The following BANP variants were observed in gnomAD, a reference collection of about 807,000 sequenced individuals.
BANP encodes BTG3 associated nuclear protein, also known as protein BANP.
In BANP, 11 loss-of-function variants were observed where a neutral mutation model predicts 68.1. The ratio of observed to expected loss-of-function variants is 0.16; its 90% CI spans 0.10 to 0.27. The LOEUF is 0.27. Among genes scored for constraint, BANP ranks in the 10% least tolerant of loss-of-function variants. The pLI, the probability that BANP is intolerant of heterozygous loss-of-function variation, is 1.00. For missense variants in BANP, 504 were observed against 722.7 expected (o/e 0.70, Z 3.47); for synonymous variants, 329 against 303.2 (o/e 1.09, Z -0.88).
chr16:87,984,316 C>G lies in BANP; in HGVS notation c.362+57C>G, dbSNP rs886735937. ...GGTCACTTGGGGAGAAGCGCGTCAC[C>G]TCCTCGCCCAGGCCCGCAGCTTAGT... is the stretch of plus-strand genomic sequence containing the variant. On this transcript the variant is annotated intron_variant, in intron 4 of 13. Coordinates refer to ENST00000682872, the MANE Select transcript of BANP (RefSeq NM_001386991.1). The G allele has an allele frequency of 2.1e-6, 3 of 1,432,454 alleles. No individual in the cohort carries two copies. The African/African-American group carries it at 4.3e-5, about 21-fold the overall frequency. 88.7% of individuals were successfully genotyped at this position (1,432,454 alleles called of 1,614,324 possible).
At chr16:87,969,509 T>C (rs191957856) in intron 1 of BANP, among the ~76,000 whole-genome samples, 12 of 150,604 alleles carry the variant, frequency 8.0e-5, no homozygotes. Flanking sequence ...TAAATTGTTT[T>C]AAAAAGATTA....
chr16:88,039,367 G>C (rs1358357756), intron 11 of BANP, among the ~76,000 whole-genome samples: 2 of 141,882 alleles, frequency 1.4e-5, no homozygotes, highest in Non-Finnish European at 3.2e-5. Flanking sequence ...TTGTCCCGTG[G>C]TTCTCACGGT....
chr16:88,025,354 C>T (rs1040137893), intron 7 of BANP, among the ~76,000 whole-genome samples: 5 of 152,210 alleles, frequency 3.3e-5, no homozygotes, highest in Admixed American at 2.6e-4. Flanking sequence ...CTCTGTGAGT[C>T]ACTAAAGTTG....
intron 11 of BANP, among the ~76,000 whole-genome samples, chr16:88,042,501 T>C (rs1199798314): frequency 3.3e-5 from 5 of 152,244 alleles, no homozygotes; most frequent in Admixed American, 1.3e-4. Context: ...TCTGTCTTTA[T>C]TGTTCTTTTT....
intron 6 of BANP, among the ~76,000 whole-genome samples, chr16:88,016,646 G>A (rs377432636): frequency 6.6e-6 from 1 of 152,212 alleles, no homozygotes; most frequent in Admixed American, 6.5e-5. Flanking sequence ...CTGGAGTCTC[G>A]AAGCTTTGCA....
chr16:87,964,352 A>G (rs2059673905), intron 1 of BANP, among the ~76,000 whole-genome samples: 1 of 152,258 alleles, frequency 6.6e-6, no homozygotes, highest in Admixed American at 6.5e-5. Flanking sequence ...AGGAGACACT[A>G]AGCAAGAGAA....
At chr16:87,973,095 G>T (rs1297814872) in intron 1 of BANP, among the ~76,000 whole-genome samples, 4 of 152,024 alleles carry the variant, frequency 2.6e-5, no homozygotes, top group Admixed American at 2.6e-4. Flanking sequence ...GTGTTGACTT[G>T]GATTTTGGTT....
intron 4 of BANP, among the ~76,000 whole-genome samples, chr16:88,001,936 A>AC (rs1567716059): frequency 6.6e-6 from 1 of 151,774 alleles, no homozygotes; most frequent in African/African-American, 2.4e-5. Context: ...AAAAACAAAA[A>AC]AAAAAAAACC....
chr16:88,010,001 T>C (rs2072589914), intron 6 of BANP, among the ~76,000 whole-genome samples: 3 of 151,976 alleles, frequency 2.0e-5, no homozygotes, highest in Admixed American at 2.0e-4. Flanking sequence ...GTAGACTATG[T>C]CTCATTGGAA....
chr16:87,970,179 C>T (rs1243882089), intron 1 of BANP: 1 of 152,214 alleles, frequency 6.6e-6, no homozygotes, highest in Non-Finnish European at 1.5e-5. Flanking sequence ...ATGTGAGTTT[C>T]CTAGTCTTGA....
intron 4 of BANP, among the ~76,000 whole-genome samples, chr16:87,996,951 C>A (rs1435638275): frequency 6.6e-6 from 1 of 152,158 alleles, no homozygotes; most frequent in African/African-American, 2.4e-5. Context: ...GATGTCTGTT[C>A]ACATGTGCTC....
chr16:88,023,388 C>T (rs933537840), intron 7 of BANP, among the ~76,000 whole-genome samples: 44 of 152,110 alleles, frequency 2.9e-4, no homozygotes, highest in East Asian at 9.6e-4. Flanking sequence ...GGAGGCTGGA[C>T]GTTTGAGGTG....
intron 11 of BANP, among the ~76,000 whole-genome samples, chr16:88,049,760 C>T (rs1463134414): frequency 6.6e-6 from 1 of 152,162 alleles, no homozygotes; most frequent in African/African-American, 2.4e-5. Context: ...CTCAGGCACT[C>T]CAGGAATGGA....
At chr16:88,035,498 CA>C (rs2079116021) in intron 10 of BANP, 104 bp downstream of exon 10, 1 of 1,140,742 alleles carries the variant, frequency 8.8e-7, no homozygotes, top group African/African-American at 1.5e-5. Context: ...GCCCCCAGGA[CA>C]GGGAACGTGG....
intron 4 of BANP, among the ~76,000 whole-genome samples, chr16:87,989,479 A>G (rs1467078378): frequency 6.6e-6 from 1 of 152,256 alleles, no homozygotes; most frequent in Non-Finnish European, 1.5e-5. Context: ...TGTACTTCGA[A>G]GCTGGACAGA....
rs2090505555 is a variant in BANP at position 88,072,151 on chromosome 16, G to A, written c.1460G>A (p.Ser487Asn). ...GTGGATGGGTCGCCACTCCAGGGCA[G>A]CGACATCCAGGTTCAGTACGTGCAG... is the stretch of plus-strand genomic sequence containing the variant. The part of the protein sequence containing the change: ...AGVDGSPLQG[S>N]DIQVQYVQLA... Residue 487 changes from serine (S) to asparagine (N), a missense_variant, in exon 13 of 14, where the codon AGC (serine) becomes AAC (asparagine). Around this residue, in one of 3 missense-constraint regions of BANP, gnomAD observed 223 missense variants for 246.2 expected, o/e 0.91. Coordinates refer to ENST00000682872, the MANE Select transcript of BANP (RefSeq NM_001386991.1). The A allele has an allele frequency of 6.2e-7, 1 of 1,611,430 alleles. No homozygotes were observed. The highest frequency in any genetic ancestry group is 1.7e-5 in the Admixed American group (1 of 59,942).
chr16:88,059,007 C>T (rs1382926753), intron 11 of BANP, among the ~76,000 whole-genome samples: 1 of 151,962 alleles, frequency 6.6e-6, no homozygotes, highest in Non-Finnish European at 1.5e-5. Flanking sequence ...TCCCTCACGC[C>T]CAGTGTGTAT....
intron 7 of BANP, among the ~76,000 whole-genome samples, chr16:88,025,634 CA>C (rs1221697794): frequency 1.3e-5 from 2 of 152,124 alleles, no homozygotes; most frequent in Admixed American, 6.5e-5. Context: ...AAACGTGTCT[CA>C]AGTATCTACT....
intron 13 of BANP, among the ~76,000 whole-genome samples, chr16:88,074,317 C>A (rs1312567911): frequency 6.6e-6 from 1 of 152,182 alleles, no homozygotes; most frequent in African/African-American, 2.4e-5. Flanking sequence ...CTGTGAGGGC[C>A]TGGCTCTGAG....
Sources: allele counts gnomAD v4.1 joint callset (sites outside exome capture counted in the v4.1 genomes callset), GRCh38; gene constraint gnomAD v4.1.1; regional missense constraint gnomAD v4.1.1; transcripts MANE v1.5; gene names NCBI Gene and HGNC (gene_info 2026-07-23, HGNC 2026-07-21).